Variants in RFX3 observed in about 807,000 individuals in gnomAD.
The protein encoded by RFX3 is regulatory factor X3.
A neutral mutation model predicts 98.6 loss-of-function variants in RFX3; 14 were observed. The observed-to-expected ratio is 0.14, with a 90% CI of 0.09 to 0.22. The LOEUF is 0.22. Ranked by LOEUF, RFX3 falls within the 10% of genes least tolerant of loss-of-function variation. RFX3 has a pLI of 1.00. For missense variants in RFX3, 639 were observed against 926.9 expected, an observed-to-expected ratio of 0.69 and a Z score of 4.03; for synonymous variants, 383 against 328.4, an observed-to-expected ratio of 1.17 and a Z score of -1.80.
intron 3 of RFX3, chr9:3,344,615 C>T (rs1041565733): frequency 5.6e-6 from 3 of 535,706 alleles, no homozygotes; most frequent in Non-Finnish European, 9.9e-6. Context: ...GCCCTTTTCC[C>T]TTGTCACATT....
At chr9:3,505,711 G>A (rs987944808) in intron 1 of RFX3, among the ~76,000 whole-genome samples, 1 of 150,956 alleles carries the variant, frequency 6.6e-6, no homozygotes, top group African/African-American at 2.4e-5. Flanking sequence ...TTATCTGCAA[G>A]GTGTTCTTAA....
intron 2 of RFX3, among the ~76,000 whole-genome samples, chr9:3,386,118 G>A (rs1839692606): frequency 6.6e-6 from 1 of 152,084 alleles, no homozygotes; most frequent in East Asian, 1.9e-4. Flanking sequence ...AAGGAAGGAG[G>A]AACAAAAGTT....
chr9:3,298,558 C>T (rs567003092), intron 5 of RFX3, among the ~76,000 whole-genome samples: 1 of 151,872 alleles, frequency 6.6e-6, no homozygotes, highest in Non-Finnish European at 1.5e-5. Context: ...GTGAACAAAA[C>T]ATACAAAAAT....
At chr9:3,434,483 T>C (rs1463709869) in intron 1 of RFX3, among the ~76,000 whole-genome samples, 1 of 152,148 alleles carries the variant, frequency 6.6e-6, no homozygotes, top group African/African-American at 2.4e-5. Flanking sequence ...AAGCTAGTTG[T>C]TGACAAATTC....
intron 1 of RFX3, among the ~76,000 whole-genome samples, chr9:3,479,577 T>C (rs73639897): frequency 6.2e-4 from 94 of 151,746 alleles, no homozygotes; most frequent in African/African-American, 2.1e-3. Context: ...TTAACTAATA[T>C]GTGAATCATC....
chr9:3,410,469 T>C (rs1842374025), intron 1 of RFX3, among the ~76,000 whole-genome samples: 1 of 152,102 alleles, frequency 6.6e-6, no homozygotes, highest in Non-Finnish European at 1.5e-5. Flanking sequence ...GACTAATTTC[T>C]AGTTTTCCTG....
chr9:3,346,056 A>G (rs1487490351), intron 3 of RFX3, among the ~76,000 whole-genome samples: 3 of 152,346 alleles, frequency 2.0e-5, no homozygotes, highest in Middle Eastern at 3.4e-3. Flanking sequence ...AATAATTCTT[A>G]GTTCCTTTAT....
chr9:3,504,957 T>TA (rs1816751314), intron 1 of RFX3, among the ~76,000 whole-genome samples: 2 of 58,992 alleles, frequency 3.4e-5, no homozygotes, highest in African/African-American at 2.0e-4. Flanking sequence ...ATAATATATA[T>TA]TATATATAAT....
chr9:3,417,203 A>T lies in RFX3; in HGVS notation c.-8-21607T>A, dbSNP rs184604595. Among the ~76,000 whole-genome samples the T allele has an allele frequency of 1.1e-3, 164 of 152,184 alleles. 1 individual carries two copies. The highest frequency in any genetic ancestry group is 3.7e-3 in the African/African-American group (152 of 41,572). On this transcript the variant is annotated intron_variant, in intron 1 of 16. Transcript: ENST00000617270. Reference sequence around the variant, plus strand: ...TTGTCAGAACTCCAATATACATAAAACGAAACCTAGTTGATCTGAAAAAGA... The same window carrying T: ...TTGTCAGAACTCCAATATACATAAATCGAAACCTAGTTGATCTGAAAAAGA...
intron 15 of RFX3, among the ~76,000 whole-genome samples, chr9:3,246,305 ATAAC>A (rs1820667071): frequency 1.3e-5 from 2 of 152,256 alleles, no homozygotes; most frequent in South Asian, 4.1e-4. Context: ...AAAAAAAAGA[ATAAC>A]TATTAGAATG....
At chr9:3,309,127 G>A (rs913225861) in intron 4 of RFX3, among the ~76,000 whole-genome samples, 2 of 152,164 alleles carry the variant, frequency 1.3e-5, no homozygotes, top group Non-Finnish European at 2.9e-5. Flanking sequence ...CTGTACGACA[G>A]AGAACGTCAT....
intron 1 of RFX3, among the ~76,000 whole-genome samples, chr9:3,501,443 T>C (rs1815987862): frequency 6.6e-6 from 1 of 152,150 alleles, no homozygotes; most frequent in African/African-American, 2.4e-5. Context: ...AAAATATTAT[T>C]TCTCCTGACA....
At chr9:3,366,348 G>C (rs1453794180) in intron 2 of RFX3, among the ~76,000 whole-genome samples, 1 of 152,094 alleles carries the variant, frequency 6.6e-6, no homozygotes, top group Non-Finnish European at 1.5e-5. Flanking sequence ...TACATCTTTG[G>C]AGCTGTTTCC....
intron 8 of RFX3, among the ~76,000 whole-genome samples, chr9:3,276,000 T>A (rs930248147): frequency 6.6e-6 from 1 of 152,158 alleles, no homozygotes; most frequent in East Asian, 1.9e-4. Context: ...AAACTCATTA[T>A]GTTCTTAACT....
chr9:3,460,705 C>G (rs1847607674), intron 1 of RFX3, among the ~76,000 whole-genome samples: 1 of 151,776 alleles, frequency 6.6e-6, no homozygotes, highest in Non-Finnish European at 1.5e-5. Context: ...AATCCCAACC[C>G]AACCCCACCC....
intron 4 of RFX3, among the ~76,000 whole-genome samples, chr9:3,312,276 T>C (rs1332467441): frequency 6.6e-6 from 1 of 152,168 alleles, no homozygotes; most frequent in African/African-American, 2.4e-5. Flanking sequence ...AATGTAAAGG[T>C]ATTTCTCATT....
At chr9:3,487,392 A>G (rs1850366726) in intron 1 of RFX3, among the ~76,000 whole-genome samples, 1 of 152,098 alleles carries the variant, frequency 6.6e-6, no homozygotes. Flanking sequence ...AAACTATACT[A>G]CTCTTTAAAG....
chr9:3,230,013 T>C (rs1230244149), intron 15 of RFX3, among the ~76,000 whole-genome samples: 1 of 152,098 alleles, frequency 6.6e-6, no homozygotes, highest in Admixed American at 6.6e-5. Context: ...ATTTCAAGAG[T>C]TAGTTTATGC....
intron 3 of RFX3, chr9:3,344,820 G>A (rs1805829467): frequency 1.4e-6 from 1 of 713,846 alleles, no homozygotes; most frequent in Non-Finnish European, 2.6e-6. Flanking sequence ...TGGTATAAAT[G>A]CCAACAGTAG....
Sources: gnomAD v4.1 joint callset for allele counts (sites outside exome capture counted in the v4.1 genomes callset) on GRCh38, gnomAD v4.1.1 for gene constraint, MANE v1.5 for transcripts, NCBI Gene and HGNC (gene_info 2026-07-23, HGNC 2026-07-21) for gene names.